The following ALS2CL variants were observed in gnomAD, a reference collection of about 807,000 sequenced individuals.
ALS2CL encodes the protein ALS2 C-terminal like.
ALS2CL carries 112 observed loss-of-function variants against 127.9 expected under a neutral mutation model. That is an observed-to-expected ratio of 0.88 (90% CI 0.75 to 1.02). The LOEUF (loss-of-function observed/expected upper bound fraction) is 1.02. ALS2CL is among the 50% of genes least tolerant of loss of function. The pLI, the probability that ALS2CL is intolerant of heterozygous loss-of-function variation, is 0.00. For missense variants in ALS2CL, 1,174 were observed against 1,236.7 expected, an observed-to-expected ratio of 0.95 and a Z score of 0.76; for synonymous variants, 519 against 527.6, an observed-to-expected ratio of 0.98 and a Z score of 0.22.
At chr3:46,671,744 C>A (rs1047958941) in intron 24 of ALS2CL, 140 bp downstream of exon 24, 83 of 1,522,396 alleles carry the variant, frequency 5.5e-5, no homozygotes, top group Non-Finnish European at 7.2e-5. Context: ...GGGACCCTCC[C>A]TTTTCTGGGC....
At chr3:46,692,683 G>C (rs1700228707) in intron 1 of ALS2CL, among the ~76,000 whole-genome samples, 1 of 152,240 alleles carries the variant, frequency 6.6e-6, no homozygotes, top group Middle Eastern at 3.2e-3. Flanking sequence ...GCTCACCACG[G>C]GGTGCGGTGG....
rs200043224 is a variant in ALS2CL at position 46,689,369 on chromosome 3, G to A, written c.72C>T (p.Asn24=). 1.9e-6 allele frequency: 3 copies of A among 1,612,638 alleles called. No individual in the cohort carries two copies. Among genetic ancestry groups the A allele is most frequent in the South Asian group, 1.1e-5 (1 of 90,966 alleles). The stretch of plus-strand genomic sequence containing the variant: ...GGAGCAGGGGCTGGAGGACAAGGCT[G>A]TTGACATGGGCGAGGGTGGCTGAGA... ...EVFSATLAHV[N]SLVLQPLLPA... Residue 24 remains asparagine (N), a synonymous_variant, in exon 2 of 26, where the codon AAC becomes AAT. Coordinates refer to ENST00000318962, the MANE Select transcript of ALS2CL (RefSeq NM_147129.5).
At chr3:46,677,252 A>G in intron 16 of ALS2CL, 1 of 1,379,634 alleles carries the variant, frequency 7.2e-7, no homozygotes, top group Non-Finnish European at 9.3e-7. Context: ...AGACAGACAG[A>G]AGCATATGGA....
chr3:46,672,552 A>C (rs1185038555), intron 22 of ALS2CL, among the ~76,000 whole-genome samples: 1 of 152,018 alleles, frequency 6.6e-6, no homozygotes, highest in East Asian at 1.9e-4. Flanking sequence ...TCCCGGGCCC[A>C]CTCCCTGCAT....
chr3:46,691,413 C>G (rs1700144671), intron 1 of ALS2CL, among the ~76,000 whole-genome samples: 1 of 152,062 alleles, frequency 6.6e-6, no homozygotes, highest in African/African-American at 2.4e-5. Flanking sequence ...GCTAGGAAGA[C>G]TTGAACACCA....
intron 1 of ALS2CL, among the ~76,000 whole-genome samples, chr3:46,691,473 A>G (rs1242204716): frequency 2.0e-5 from 3 of 151,970 alleles, no homozygotes; most frequent in Non-Finnish European, 2.9e-5. Context: ...AGCCGACACC[A>G]TACCCTGGCA....
rs1698566382 is a variant in ALS2CL at position 46,673,398 on chromosome 3, G to A, written c.2430-17C>T. 1 of 1,558,162 alleles carries A rather than the reference G, an allele frequency of 6.4e-7. No homozygotes were observed. Among genetic ancestry groups the A allele is most frequent in the Non-Finnish European group, 8.7e-7 (1 of 1,150,772 alleles). ...CACAAGTGCCTGAAATTGAAAAAGTGAGACAGGAGGCTCTGCCTCGACAAG... is the reference window on the plus strand; with the variant it reads ...CACAAGTGCCTGAAATTGAAAAAGTAAGACAGGAGGCTCTGCCTCGACAAG... On this transcript the variant is annotated splice_polypyrimidine_tract_variant and intron_variant, in intron 21 of 25. Coordinates refer to ENST00000318962, the MANE Select transcript of ALS2CL (RefSeq NM_147129.5).
chr3:46,681,215 G>A lies in ALS2CL; in HGVS notation c.1436+31C>T, dbSNP rs936276992. On this transcript the variant is annotated intron_variant, in intron 13 of 25. Coordinates refer to ENST00000318962, the MANE Select transcript of ALS2CL (RefSeq NM_147129.5). The surrounding 1 kb of genome is among the most constrained non-coding windows in gnomAD (Gnocchi z 4.9). ...CTGTGAGGGCCCGGTCCACCCCTCC[G>A]TCCTGGGAGTGGTGGCTGCAGGGCG... 2.5e-5 allele frequency: 41 copies of A among 1,613,436 alleles called. No individual in the cohort carries two copies. Among genetic ancestry groups the A allele is most frequent in the African/African-American group, 2.5e-4 (19 of 74,994 alleles).
intron 15 of ALS2CL, among the ~76,000 whole-genome samples, chr3:46,678,606 C>T (rs1389087795): frequency 2.6e-5 from 4 of 152,124 alleles, no homozygotes; most frequent in East Asian, 1.9e-4. Context: ...CTCAGGGGCT[C>T]GCTCACCTCT....
intron 20 of ALS2CL, chr3:46,675,344 A>G: frequency 2.3e-6 from 1 of 427,910 alleles, no homozygotes; most frequent in Admixed American, 3.9e-5. Context: ...TCGGGGAGCT[A>G]CTCACCTTCT....
At chr3:46,674,431 G>T in intron 21 of ALS2CL, 135 bp downstream of exon 21, 1 of 1,187,296 alleles carries the variant, frequency 8.4e-7, no homozygotes, top group Non-Finnish European at 1.2e-6. Flanking sequence ...CCTAGATCCA[G>T]CCACACCTGA....
At chr3:46,690,988 G>A (rs953029788) in intron 1 of ALS2CL, among the ~76,000 whole-genome samples, 6 of 152,230 alleles carry the variant, frequency 3.9e-5, no homozygotes, top group Admixed American at 6.5e-5. Context: ...CTGCTGCTTC[G>A]AGAGGGTGAG....
chr3:46,679,228 G>A lies in ALS2CL; in HGVS notation c.1608C>T (p.Asp536=), dbSNP rs112747072. 2.5e-5 allele frequency: 40 copies of A among 1,574,368 alleles called. No homozygotes were observed. In the African/African-American group the frequency reaches 5.1e-4, roughly 20 times the overall value. ...DSLYEGTFTR[D]LTLMGKGKVT... ...TCCTCACCTTCCCCATGAGGGTCAGGTCCCTGGTGAAGGTGCCCTCATACA... is the reference window on the plus strand; with the variant it reads ...TCCTCACCTTCCCCATGAGGGTCAGATCCCTGGTGAAGGTGCCCTCATACA... The change falls in exon 15 of 26, where the codon GAC becomes GAT. Residue 536 remains aspartate (D), a synonymous_variant. Coordinates refer to ENST00000318962, the MANE Select transcript of ALS2CL (RefSeq NM_147129.5).
chr3:46,673,415 C>T (rs1350452421), intron 21 of ALS2CL, 34 bp from the exon 22 acceptor site: 1 of 1,552,304 alleles, frequency 6.4e-7, no homozygotes, highest in East Asian at 2.4e-5. Context: ...GAGGCTCTGC[C>T]TCGACAAGGG....
rs200102295 is a variant in ALS2CL at position 46,687,053 on chromosome 3, T to C, written c.464A>G (p.His155Arg). Residue 155 changes from histidine to arginine, a missense_variant, in exon 5 of 26, where the codon CAC (histidine) becomes CGC (arginine). Transcript: ENST00000318962. Reference sequence around the variant, plus strand: ...TTGCACGTGATGGGCGAGTGGCTGGTGGAGGGCCTGGCCCAGCGATGCGCC... The same window carrying C: ...TTGCACGTGATGGGCGAGTGGCTGGCGGAGGGCCTGGCCCAGCGATGCGCC... ...SVGASLGQAL[H>R]QPLAHHVQQY... 1 of 1,584,070 alleles carries C rather than the reference T, an allele frequency of 6.3e-7. No individual in the cohort carries two copies. The highest frequency in any genetic ancestry group is 2.3e-5 in the East Asian group (1 of 43,466).
At position 46,674,585 on chromosome 3, in the gene ALS2CL, C is replaced by T. The variant is rs776936989; in HGVS notation, c.2410G>A (p.Glu804Lys). Residue 804 changes from glutamate to lysine, a missense_variant, in exon 21 of 26, where the codon GAG (glutamate) becomes AAG (lysine). Physicochemically the swap from Glu to Lys is moderately conservative, Grantham distance 56. Coordinates refer to ENST00000318962, the MANE Select transcript of ALS2CL (RefSeq NM_147129.5). ...GCTTACTTCTGCACATCCAGGAACTCGAGCAGTTGGGTATCAGGAAAGAGG... is the reference window on the plus strand; with the variant it reads ...GCTTACTTCTGCACATCCAGGAACTTGAGCAGTTGGGTATCAGGAAAGAGG... ...LSLFPDTQLL[E>K]FLDVQKHLWP... 3.1e-6 allele frequency: 5 copies of T among 1,612,958 alleles called. No individual in the cohort carries two copies. Among genetic ancestry groups the T allele is most frequent in the Non-Finnish European group, 3.4e-6 (4 of 1,179,576 alleles).
At chr3:46,691,262 G>T (rs1700134190) in intron 1 of ALS2CL, among the ~76,000 whole-genome samples, 1 of 152,224 alleles carries the variant, frequency 6.6e-6, no homozygotes, top group African/African-American at 2.4e-5. Flanking sequence ...TCAGCTGGCA[G>T]TCAGCTGGGG....
intron 4 of ALS2CL, 125 bp from the exon 5 acceptor site, chr3:46,687,273 C>A: frequency 9.2e-7 from 1 of 1,086,964 alleles, no homozygotes; most frequent in Non-Finnish European, 1.3e-6. Flanking sequence ...AAAACCTCTA[C>A]CCTATCAGAT....
rs758079880 is a variant in ALS2CL, at chr3:46,670,946, C to T, written c.*38G>A. The T allele has an allele frequency of 1.5e-5, 23 of 1,582,644 alleles. No individual in the cohort carries two copies. In the South Asian group the frequency reaches 2.1e-4, roughly 14 times the overall value. ...GGTAATGAGGGACAGGCTGGCAGTG[C>T]CCTGCTCAGCTCTTCAGTCTGTCCA... On this transcript the variant is annotated 3_prime_UTR_variant, in exon 26 of 26. Coordinates refer to ENST00000318962, the MANE Select transcript of ALS2CL (RefSeq NM_147129.5). The surrounding 1 kb of genome is among the most constrained non-coding windows in gnomAD (Gnocchi z 5.5).
Sources: gnomAD v4.1 joint callset for allele counts (sites outside exome capture counted in the v4.1 genomes callset) on GRCh38, gnomAD v4.1.1 for gene constraint, Gnocchi (gnomAD v3.1) non-coding constraint, MANE v1.5 for transcripts, NCBI Gene and HGNC (gene_info 2026-07-23, HGNC 2026-07-21) for gene names.